C1orf52: variants seen among roughly 807,000 people sequenced by gnomAD.
The protein encoded by C1orf52 is UPF0690 protein C1orf52.
In C1orf52, 5 loss-of-function variants were observed where a neutral mutation model predicts 17.2. That is an observed-to-expected ratio of 0.29 (90% CI 0.15 to 0.61). C1orf52 has a LOEUF of 0.61. Ranked by LOEUF, C1orf52 falls within the 20% of genes least tolerant of loss-of-function variation. The pLI, the probability that C1orf52 is intolerant of heterozygous loss-of-function variation, is 0.85. For synonymous variants in C1orf52, 110 were observed against 88.0 expected (o/e 1.25, Z -1.40); for missense variants, 245 against 234.1 (o/e 1.05, Z -0.30).
chr1:85,258,722 G>C lies in C1orf52; in HGVS notation c.277C>G (p.Pro93Ala), dbSNP rs1256454783. ...ERHVVKAPEE[P>A]PKEFKIWKSN... ...TTCCATATTTTGAATTCCTTTGGAG[G>C]CTGTTAAGCAAGCACATTAAGAAGC... Residue 93 changes from proline (P) to alanine (A), a missense_variant and splice_region_variant, in exon 2 of 3, where the codon CCT becomes GCT. By Grantham distance (27) the Pro-to-Ala change is conservative. Coordinates refer to ENST00000471115, the MANE Select transcript of C1orf52 (RefSeq NM_198077.4). 4 of 1,603,160 alleles carry C rather than the reference G, an allele frequency of 2.5e-6. No homozygotes were observed. In the African/African-American group the frequency reaches 5.3e-5, roughly 21 times the overall value.
chr1:85,255,578 TAAGCA>T (rs575144276), intron 2 of C1orf52, among the ~76,000 whole-genome samples: 61 of 150,030 alleles, frequency 4.1e-4, no homozygotes, highest in African/African-American at 1.4e-3. Context: ...GAAGGGCTGA[TAAGCA>T]GCAAGACCCA....
chr1:85,256,798 C>CAA (rs1159075154), intron 2 of C1orf52, among the ~76,000 whole-genome samples: 6 of 93,746 alleles, frequency 6.4e-5, no homozygotes, highest in East Asian at 3.1e-4. Context: ...GACTCCGCCT[C>CAA]AAAAAAAAAA....
chr1:85,259,246 C>T, intron 1 of C1orf52, 112 bp downstream of exon 1: 2 of 1,357,110 alleles, frequency 1.5e-6, no homozygotes, highest in Non-Finnish European at 2.0e-6. Flanking sequence ...GTGCGGCATC[C>T]CGCGGGGGTG....
chr1:85,257,482 G>A (rs1051113945), intron 2 of C1orf52: 9 of 717,146 alleles, frequency 1.3e-5, no homozygotes, highest in Non-Finnish European at 2.3e-5. Flanking sequence ...CTAGAAAGGG[G>A]CCATTAAAAA....
chr1:85,258,826 T>C, intron 1 of C1orf52, 104 bp from the exon 2 acceptor site: 1 of 1,417,440 alleles, frequency 7.1e-7, no homozygotes, highest in Admixed American at 2.9e-5. Flanking sequence ...CAGGCTGACT[T>C]TTTTTTTCTT....
At chr1:85,256,716 G>C (rs1251408034) in intron 2 of C1orf52, among the ~76,000 whole-genome samples, 1 of 148,068 alleles carries the variant, frequency 6.8e-6, no homozygotes, top group Non-Finnish European at 1.5e-5. Flanking sequence ...GGAGAATGGC[G>C]TGAACCCGGG....
In C1orf52 at chr1:85,251,447, T is replaced by G. The variant is rs1020098144; in HGVS notation, c.*1182A>C. ...AGATTGATGCAGAGTGTAACCTTTTTATTGTTCAAAATGCTACAAATAACT... is the reference window on the plus strand; with the variant it reads ...AGATTGATGCAGAGTGTAACCTTTTGATTGTTCAAAATGCTACAAATAACT... On this transcript the variant is annotated 3_prime_UTR_variant, in exon 3 of 3. Coordinates refer to ENST00000471115, the MANE Select transcript of C1orf52 (RefSeq NM_198077.4). 6.6e-6 allele frequency: 1 copy of G among 152,228 alleles called. No homozygotes were observed. Among genetic ancestry groups the G allele is most frequent in the African/African-American group, 2.4e-5 (1 of 41,470 alleles). 9.4% of individuals were successfully genotyped at this position (152,228 alleles called of 1,614,324 possible).
intron 2 of C1orf52, 83 bp from the exon 3 acceptor site, chr1:85,252,785 C>T: frequency 2.4e-6 from 2 of 850,862 alleles, no homozygotes; most frequent in Non-Finnish European, 3.8e-6. Flanking sequence ...TGGCTTTATA[C>T]CAAAATTATT....
Position 85,258,587 on chromosome 1 carries a change from C to T in C1orf52, c.412G>A (p.Asp138Asn), listed in dbSNP as rs1660005560. Residue 138 changes from aspartate to asparagine, a missense_variant, in exon 2 of 3, where the codon GAT becomes AAT. By Grantham distance (23) the Asp-to-Asn change is conservative (BLOSUM62 1). Coordinates refer to ENST00000471115, the MANE Select transcript of C1orf52 (RefSeq NM_198077.4). ...GCTTTCTTAGCATTCTGTGGAGCAT[C>T]ATCACCATTGTCCTCATATATGTTA... ...WSNIYEDNGDDAPQNAKKARL... is the reference protein window; with the variant it reads ...WSNIYEDNGDNAPQNAKKARL... The T allele has an allele frequency of 6.2e-7, 1 of 1,614,212 alleles. No individual in the cohort carries two copies. Among genetic ancestry groups the T allele is most frequent in the Non-Finnish European group, 8.5e-7 (1 of 1,180,028 alleles).
chr1:85,258,492 A>G (rs759008018), intron 2 of C1orf52, 32 bp downstream of exon 2: 3 of 1,574,004 alleles, frequency 1.9e-6, no homozygotes, highest in East Asian at 2.2e-5. Context: ...GGGGATCAAA[A>G]TAGACCACCA....
intron 2 of C1orf52, among the ~76,000 whole-genome samples, chr1:85,253,737 C>A (rs902233620): frequency 2.6e-5 from 4 of 151,004 alleles, no homozygotes; most frequent in African/African-American, 9.7e-5. Flanking sequence ...AAAGTGAACT[C>A]TTTTATTGTA....
intron 2 of C1orf52, among the ~76,000 whole-genome samples, chr1:85,254,282 C>T (rs1659872495): frequency 6.6e-6 from 1 of 152,076 alleles, no homozygotes; most frequent in Admixed American, 6.6e-5. Context: ...ATCAACTCAC[C>T]CCAGGAATTT....
chr1:85,258,834 CTTT>C lies in C1orf52; in HGVS notation c.277-115_277-113del, dbSNP rs1660016033. ...TATCGTTCAGGCTGACTTTTTTTTT[CTTT>C]AAGGTTGAAAGACACATTTTTCCAT... is the stretch of plus-strand genomic sequence containing the variant. On this transcript the variant is annotated intron_variant, in intron 1 of 2. Coordinates refer to ENST00000471115, the MANE Select transcript of C1orf52 (RefSeq NM_198077.4). 16 of 1,415,396 alleles carry C rather than the reference CTTT, an allele frequency of 1.1e-5. No homozygotes were observed. The South Asian group carries it at 2.0e-4, about 17-fold the overall frequency. 87.7% of individuals were successfully genotyped at this position (1,415,396 alleles called of 1,614,324 possible).
chr1:85,256,881 T>C (rs1659957851), intron 2 of C1orf52, among the ~76,000 whole-genome samples: 1 of 151,938 alleles, frequency 6.6e-6, no homozygotes, highest in African/African-American at 2.4e-5. Flanking sequence ...ATTTAAGGTC[T>C]GCAAAAAGAT....
intron 1 of C1orf52, chr1:85,259,125 AGCGCGG>A: frequency 7.9e-7 from 1 of 1,263,936 alleles, no homozygotes; most frequent in Non-Finnish European, 1.0e-6. Flanking sequence ...CGGGGCACCG[AGCGCGG>A]AGGTTTGGGT....
In C1orf52 at chr1:85,257,542, TC is replaced by T. The variant is rs1372218861; in HGVS notation, c.475+981del. The T allele has an allele frequency of 1.6e-5, 11 of 699,024 alleles. No individual in the cohort carries two copies. The African/African-American group carries it at 2.0e-4, about 13-fold the overall frequency. 43.3% of individuals were successfully genotyped at this position (699,024 alleles called of 1,614,324 possible). On this transcript the variant is annotated intron_variant, in intron 2 of 2. Transcript: ENST00000471115. ...CTATTAATACAAGGCCTTGACTTTA[TC>T]CCGTTGAAGGGTTTTAAGCAGGCAA...
chr1:85,258,372 T>G (rs1244553730), intron 2 of C1orf52, 152 bp downstream of exon 2: 1 of 753,976 alleles, frequency 1.3e-6, no homozygotes, highest in Non-Finnish European at 2.2e-6. Flanking sequence ...ATATGTATGA[T>G]CTTTCTCAAA....
chr1:85,258,961 C>A, intron 1 of C1orf52: 1 of 1,389,748 alleles, frequency 7.2e-7, no homozygotes, highest in East Asian at 2.8e-5. Context: ...CTCAGAGATA[C>A]TACGCCAAGG....
At chr1:85,258,215 TTG>T (rs970513902) in intron 2 of C1orf52, among the ~76,000 whole-genome samples, 1 of 152,202 alleles carries the variant, frequency 6.6e-6, no homozygotes, top group Non-Finnish European at 1.5e-5. Flanking sequence ...ATGAATTGAT[TTG>T]TGTTGTTCTA....
Sources: allele counts gnomAD v4.1 joint callset (sites outside exome capture counted in the v4.1 genomes callset), GRCh38; gene constraint gnomAD v4.1.1; transcripts MANE v1.5; gene names NCBI Gene and HGNC (gene_info 2026-07-23, HGNC 2026-07-21).